NGLY1: variants seen among roughly 807,000 people sequenced by gnomAD.
The protein encoded by NGLY1 is N-glycanase 1.
A neutral mutation model predicts 84.6 loss-of-function variants in NGLY1; 68 were observed. The observed-to-expected ratio is 0.80, with a 90% confidence interval of 0.66 to 0.98. NGLY1 has a LOEUF of 0.98. Ranked by LOEUF, NGLY1 falls within the 50% of genes least tolerant of loss-of-function variation. The pLI is 0.00. For synonymous variants in NGLY1, 280 were observed against 275.2 expected, an observed-to-expected ratio of 1.02 and a Z score of -0.17; for missense variants, 779 against 770.2, an observed-to-expected ratio of 1.01 and a Z score of -0.14.
chr3:25,759,987 T>A (rs538908658), intron 3 of NGLY1, among the ~76,000 whole-genome samples: 91 of 152,134 alleles, frequency 6.0e-4, no homozygotes, highest in Non-Finnish European at 1.0e-3. Flanking sequence ...TTTAATTTTA[T>A]GCAACCCTTT....
chr3:25,774,680 G>C (rs568920441), intron 2 of NGLY1, among the ~76,000 whole-genome samples: 2 of 152,116 alleles, frequency 1.3e-5, no homozygotes, highest in African/African-American at 4.8e-5. Context: ...GGCAGTGTAC[G>C]CAGGGTTGAG....
chr3:25,778,569 C>G lies in NGLY1; in HGVS notation c.246+5G>C, dbSNP rs1708257371. On this transcript the variant is annotated splice_donor_5th_base_variant and intron_variant, in intron 2 of 11. Coordinates refer to ENST00000280700, the MANE Select transcript of NGLY1 (RefSeq NM_018297.4). Reference sequence around the variant, plus strand: ...AGGGGAGAGGAAATCCTTGAACATACTTACCTCTTCAAAGCCCATTTCAAA... The same window carrying G: ...AGGGGAGAGGAAATCCTTGAACATAGTTACCTCTTCAAAGCCCATTTCAAA... 6.4e-7 allele frequency: 1 copy of G among 1,564,402 alleles called. No individual in the cohort carries two copies. The highest frequency in any genetic ancestry group is 8.8e-7 in the Non-Finnish European group (1 of 1,141,488).
intron 2 of NGLY1, among the ~76,000 whole-genome samples, chr3:25,771,786 T>C (rs191908255): frequency 3.6e-4 from 55 of 152,296 alleles, no homozygotes; most frequent in Non-Finnish European, 6.5e-4. Context: ...TATTTTATTT[T>C]ATTGCAGCAA....
chr3:25,739,646 A>C lies in NGLY1; in HGVS notation c.812T>G (p.Leu271Arg). The C allele has an allele frequency of 6.2e-7, 1 of 1,614,102 alleles. No homozygotes were observed. The highest frequency in any genetic ancestry group is 1.3e-5 in the African/African-American group (1 of 75,020). ...DRSLLPSDDE[L>R]KWGAKEVEDH... ...TTCCACTTCCTTTGCACCCCACTTC[A>C]GCTCATCATCACTGGGCAGTAATGA... The change falls in exon 5 of 12, where the codon CTG (leucine) becomes CGG (arginine). Residue 271 changes from leucine (L) to arginine (R), a missense_variant. Coordinates refer to ENST00000280700, the MANE Select transcript of NGLY1 (RefSeq NM_018297.4).
chr3:25,755,521 C>A, intron 3 of NGLY1: 1 of 1,434,450 alleles, frequency 7.0e-7, no homozygotes, highest in Non-Finnish European at 9.8e-7. Flanking sequence ...CCAGTTCCTG[C>A]AATAACTGCA....
At chr3:25,784,097 A>C (rs1017987518), upstream of NGLY1, 1 of 152,246 alleles carries the variant, frequency 6.6e-6, no homozygotes, top group Non-Finnish European at 1.5e-5. Context: ...TGTGGATGAA[A>C]GACTACAGAA....
At chr3:25,721,765 A>G (rs1001596300) in intron 10 of NGLY1, among the ~76,000 whole-genome samples, 2 of 150,500 alleles carry the variant, frequency 1.3e-5, no homozygotes, top group African/African-American at 4.9e-5. Context: ...AAAAAAAAAA[A>G]AAAAAAAAAG....
At chr3:25,723,988 CTG>C (rs1705134819) in intron 10 of NGLY1, among the ~76,000 whole-genome samples, 1 of 152,252 alleles carries the variant, frequency 6.6e-6, no homozygotes, top group Admixed American at 6.5e-5. Context: ...AGAACAAGAC[CTG>C]TGTGTCTACG....
intron 7 of NGLY1, chr3:25,735,183 A>G (rs1430609675): frequency 6.6e-6 from 1 of 152,200 alleles, no homozygotes; most frequent in Non-Finnish European, 1.5e-5. Flanking sequence ...ATATAACATC[A>G]AAAAGCACAA....
Position 25,778,691 on chromosome 3 carries a change from G to C in NGLY1, c.132-3C>G. ...TATATTTTTCATCATTAGGGTTTCT[G>C]ACAAAAAACAAAAGTTTGATTATAT... On this transcript the variant is annotated splice_region_variant and splice_polypyrimidine_tract_variant and intron_variant, in intron 1 of 11. Transcript: ENST00000280700. 1 of 1,561,628 alleles carries C rather than the reference G, an allele frequency of 6.4e-7. No homozygotes were observed. Among genetic ancestry groups the C allele is most frequent in the East Asian group, 2.3e-5 (1 of 44,264 alleles).
At chr3:25,747,020 C>T (rs1308729497) in intron 4 of NGLY1, among the ~76,000 whole-genome samples, 2 of 152,068 alleles carry the variant, frequency 1.3e-5, no homozygotes, top group African/African-American at 4.8e-5. Flanking sequence ...ATTTTTAGTA[C>T]AGACGGGGTT....
rs376008228 is a variant in NGLY1, at chr3:25,783,433, C to T, written c.-43G>A. On this transcript the variant is annotated 5_prime_UTR_variant, in exon 1 of 12. Coordinates refer to ENST00000280700, the MANE Select transcript of NGLY1 (RefSeq NM_018297.4). The surrounding 1 kb of genome is among the most constrained non-coding windows in gnomAD (Gnocchi z 4.5). ...CGCCGCCGCCGCCCCTCGCTCTCCG[C>T]GTCCCACACTGAGCAGGCGCCTCAG... The T allele has an allele frequency of 2.0e-6, 3 of 1,498,486 alleles. No homozygotes were observed. The highest frequency in any genetic ancestry group is 1.5e-5 in the African/African-American group (1 of 67,132). 92.8% of individuals were successfully genotyped at this position (1,498,486 alleles called of 1,614,324 possible).
At chr3:25,730,364 G>A (rs186328882) in intron 9 of NGLY1, 1 of 151,840 alleles carries the variant, frequency 6.6e-6, no homozygotes, top group South Asian at 2.1e-4. Context: ...TTAAATCCAT[G>A]GCCCTAAAAT....
intron 8 of NGLY1, among the ~76,000 whole-genome samples, chr3:25,733,466 C>CAT: frequency 7.5e-6 from 1 of 134,212 alleles, no homozygotes; most frequent in East Asian, 2.3e-4. Flanking sequence ...CTCACATGGA[C>CAT]GTGTGTGTGT....
At chr3:25,749,777 G>A in intron 4 of NGLY1, 1 of 1,372,310 alleles carries the variant, frequency 7.3e-7, no homozygotes, top group Non-Finnish European at 1.0e-6. Context: ...AACTTACTGT[G>A]CTGAGATTGC....
In NGLY1 at chr3:25,778,569, C is replaced by T. The variant is rs1708257371; in HGVS notation, c.246+5G>A. ...AGGGGAGAGGAAATCCTTGAACATACTTACCTCTTCAAAGCCCATTTCAAA... is the reference window on the plus strand; with the variant it reads ...AGGGGAGAGGAAATCCTTGAACATATTTACCTCTTCAAAGCCCATTTCAAA... On this transcript the variant is annotated splice_donor_5th_base_variant and intron_variant, in intron 2 of 11. Transcript: ENST00000280700. 6.4e-7 allele frequency: 1 copy of T among 1,564,520 alleles called. No individual in the cohort carries two copies. Among genetic ancestry groups the T allele is most frequent in the Non-Finnish European group, 8.8e-7 (1 of 1,141,480 alleles).
chr3:25,760,751 T>C (rs1311051457), intron 3 of NGLY1, among the ~76,000 whole-genome samples: 1 of 151,484 alleles, frequency 6.6e-6, no homozygotes, highest in Non-Finnish European at 1.5e-5. Flanking sequence ...TCCCAGCTAC[T>C]ACGGAGGCTG....
intron 10 of NGLY1, among the ~76,000 whole-genome samples, chr3:25,725,087 G>C (rs1416459298): frequency 6.6e-6 from 1 of 152,168 alleles, no homozygotes; most frequent in Non-Finnish European, 1.5e-5. Context: ...CCATACCCTG[G>C]AGGTAGAAAT....
At chr3:25,777,795 T>C (rs1212072602) in intron 2 of NGLY1, 1 of 152,190 alleles carries the variant, frequency 6.6e-6, no homozygotes, top group Non-Finnish European at 1.5e-5. Flanking sequence ...TGGGATTATA[T>C]CTACTACTTT....
Sources: gnomAD v4.1 joint callset for allele counts (sites outside exome capture counted in the v4.1 genomes callset) on GRCh38, gnomAD v4.1.1 for gene constraint, Gnocchi (gnomAD v3.1) non-coding constraint, MANE v1.5 for transcripts, NCBI Gene and HGNC (gene_info 2026-07-23, HGNC 2026-07-21) for gene names.